The following PDE1A variants were observed in gnomAD, a reference collection of about 807,000 sequenced individuals.
PDE1A encodes the protein dual specificity calcium/calmodulin-dependent 3',5'-cyclic nucleotide phosphodiesterase 1A.
PDE1A carries 35 observed loss-of-function variants against 61.7 expected under a neutral mutation model. That is an observed-to-expected ratio of 0.57 (90% confidence interval 0.43 to 0.75). The LOEUF (loss-of-function observed/expected upper bound fraction) is 0.75, where lower values mean the gene tolerates loss of function less well. PDE1A is among the 30% of genes least tolerant of loss of function. The pLI is 0.00. For synonymous variants in PDE1A, 232 were observed against 213.2 expected (o/e 1.09, Z -0.77); for missense variants, 597 against 630.6 (o/e 0.95, Z 0.57).
intron 2 of PDE1A, among the ~76,000 whole-genome samples, chr2:182,250,748 T>G (rs1691338662): frequency 6.6e-6 from 1 of 152,116 alleles, no homozygotes; most frequent in African/African-American, 2.4e-5. Flanking sequence ...AGGCAAATCT[T>G]GGCGTAAATG....
the PDE1A span, among the ~76,000 whole-genome samples, chr2:182,581,596 T>C: frequency 2.0e-5 from 3 of 152,332 alleles, no homozygotes; most frequent in Non-Finnish European, 2.9e-5. Flanking sequence ...ATTGGTTAAC[T>C]GTCAGTCTTC....
At chr2:182,608,383 C>T in the PDE1A span, among the ~76,000 whole-genome samples, 1 of 152,338 alleles carries the variant, frequency 6.6e-6, no homozygotes, top group Admixed American at 6.5e-5. Flanking sequence ...CTTCAGCCCG[C>T]AGCTGCACCG....
intron 1 of PDE1A, among the ~76,000 whole-genome samples, chr2:182,364,453 T>A (rs1699695921): frequency 2.3e-5 from 2 of 87,734 alleles, no homozygotes; most frequent in African/African-American, 8.7e-5. Flanking sequence ...CAGACTATAT[T>A]AGAACACTTT....
At chr2:182,455,098 T>A (rs144471036) in intron 2 of PDE1A, among the ~76,000 whole-genome samples, 24,370 of 149,432 alleles carry the variant, frequency 0.16, 2,379 homozygotes, top group Middle Eastern at 0.33. Flanking sequence ...TGGGCAAAGG[T>A]TATGAACAGA....
chr2:182,203,116 C>T (rs923938582), intron 8 of PDE1A, among the ~76,000 whole-genome samples: 2 of 152,056 alleles, frequency 1.3e-5, no homozygotes, highest in African/African-American at 2.4e-5. Flanking sequence ...GAGATCGAGA[C>T]CATCCTGGCT....
At chr2:182,446,652 C>T (rs768315838) in intron 2 of PDE1A, among the ~76,000 whole-genome samples, 2 of 152,030 alleles carry the variant, frequency 1.3e-5, no homozygotes, top group Non-Finnish European at 2.9e-5. Flanking sequence ...CTAATATTGT[C>T]ATTTGGTTAA....
At chr2:182,492,092 C>A (rs1688430562) in intron 2 of PDE1A, among the ~76,000 whole-genome samples, 1 of 152,084 alleles carries the variant, frequency 6.6e-6, no homozygotes, top group Non-Finnish European at 1.5e-5. Flanking sequence ...CTTTGCCTTG[C>A]CAATATCAAT....
At chr2:182,254,548 A>G (rs1691635336) in intron 2 of PDE1A, among the ~76,000 whole-genome samples, 1 of 152,218 alleles carries the variant, frequency 6.6e-6, no homozygotes, top group Non-Finnish European at 1.5e-5. Flanking sequence ...TGGTAGTCAG[A>G]GTAATTGAGT....
chr2:182,695,073 G>GT, the PDE1A span, among the ~76,000 whole-genome samples: 134 of 152,096 alleles, frequency 8.8e-4, no homozygotes, highest in African/African-American at 3.1e-3. Flanking sequence ...TAATTAATGA[G>GT]TATTCCTATT....
chr2:182,557,749 TAA>T, the PDE1A span, among the ~76,000 whole-genome samples: 2 of 151,636 alleles, frequency 1.3e-5, no homozygotes, highest in Non-Finnish European at 2.9e-5. Flanking sequence ...ATAAATAAAA[TAA>T]AAAAGTCTCT....
At chr2:182,410,039 A>C (rs1702521957) in intron 1 of PDE1A, among the ~76,000 whole-genome samples, 1 of 152,152 alleles carries the variant, frequency 6.6e-6, no homozygotes, top group South Asian at 2.1e-4. Flanking sequence ...TAAACAGTTC[A>C]GTTAATTTAC....
intron 13 of PDE1A, among the ~76,000 whole-genome samples, chr2:182,172,886 C>A (rs16822795): frequency 6.6e-6 from 1 of 151,912 alleles, no homozygotes; most frequent in African/African-American, 2.4e-5. Flanking sequence ...TGAAGAGTAA[C>A]CTTAAGTTCC....
At chr2:182,514,916 G>A (rs982901630) in intron 2 of PDE1A, among the ~76,000 whole-genome samples, 1 of 152,256 alleles carries the variant, frequency 6.6e-6, no homozygotes, top group Admixed American at 6.5e-5. Flanking sequence ...AGTTTTGAAG[G>A]TTAAGTTGAA....
chr2:182,685,735 C>T, the PDE1A span, among the ~76,000 whole-genome samples: 1 of 152,194 alleles, frequency 6.6e-6, no homozygotes. Context: ...AAGGCTCACC[C>T]TAAACCAAAG....
upstream of PDE1A, among the ~76,000 whole-genome samples, chr2:182,527,361 T>C (rs1375815417): frequency 1.2e-3 from 51 of 43,040 alleles, 2 homozygotes; most frequent in East Asian, 3.3e-3. Context: ...TATATATATA[T>C]ATATATATAT....
chr2:182,662,262 GT>G, the PDE1A span, among the ~76,000 whole-genome samples: 1 of 139,582 alleles, frequency 7.2e-6, no homozygotes. Context: ...TGGTTTTCCA[GT>G]TATCTCAAGA....
rs1156362877 is a variant in PDE1A at position 182,218,851 on chromosome 2, T to G, written c.776+5013A>C. Among the ~76,000 whole-genome samples the G allele has an allele frequency of 4.6e-5, 7 of 152,114 alleles. No individual in the cohort carries two copies. The East Asian group carries it at 1.3e-3, about 29-fold the overall frequency. On this transcript the variant is annotated intron_variant, in intron 7 of 13. Coordinates refer to ENST00000351439, the Ensembl canonical transcript of PDE1A. ...GTGCTTAGCGTTGTTTTAATTATCA[T>G]TATTATAGTTTAAATGTGTTTATGG...
intron 1 of PDE1A, among the ~76,000 whole-genome samples, chr2:182,288,023 TAA>T (rs1465391013): frequency 6.6e-6 from 1 of 151,706 alleles, no homozygotes; most frequent in African/African-American, 2.4e-5. Flanking sequence ...AATTAAAAAT[TAA>T]AAAGAGTTTT....
chr2:182,154,604 C>A (rs554639162), intron 13 of PDE1A, among the ~76,000 whole-genome samples: 1 of 152,196 alleles, frequency 6.6e-6, no homozygotes, highest in African/African-American at 2.4e-5. Context: ...AATGGGAGGT[C>A]TCCTGCTTCT....
Sources: gnomAD v4.1 joint callset for allele counts (sites outside exome capture counted in the v4.1 genomes callset) on GRCh38, gnomAD v4.1.1 for gene constraint, MANE v1.5 for transcripts, NCBI Gene and HGNC (gene_info 2026-07-23, HGNC 2026-07-21) for gene names.